Variants in YPEL2 observed in about 807,000 individuals in gnomAD.
YPEL2 encodes protein yippee-like 2.
YPEL2 carries 2 observed loss-of-function variants against 19.1 expected under a neutral mutation model. The observed-to-expected ratio is 0.10, with a 90% confidence interval of 0.04 to 0.33. The LOEUF (loss-of-function observed/expected upper bound fraction) is 0.33. YPEL2 is among the 10% of genes least tolerant of loss of function. YPEL2 has a pLI of 1.00. For missense variants in YPEL2, 66 were observed against 140.7 expected, an observed-to-expected ratio of 0.47 and a Z score of 2.68; for synonymous variants, 52 against 50.0, an observed-to-expected ratio of 1.04 and a Z score of -0.17.
chr17:59,367,109 C>T (rs979763333), intron 2 of YPEL2, among the ~76,000 whole-genome samples: 1 of 152,168 alleles, frequency 6.6e-6, no homozygotes, highest in African/African-American at 2.4e-5. Context: ...GACTTTTGTT[C>T]GAGGCTCAGC....
intron 2 of YPEL2, among the ~76,000 whole-genome samples, chr17:59,360,261 G>T (rs1268262574): frequency 2.0e-5 from 3 of 152,156 alleles, no homozygotes; most frequent in African/African-American, 7.2e-5. Context: ...TACTTTTTTA[G>T]TAGAGACGGG....
intron 2 of YPEL2, 95 bp from the exon 3 acceptor site, chr17:59,388,232 C>T: frequency 8.3e-7 from 1 of 1,210,694 alleles, no homozygotes; most frequent in Non-Finnish European, 1.2e-6. Context: ...CTGTGTCAGT[C>T]CTGGAAGGTC....
chr17:59,348,581 T>C (rs865915200), intron 1 of YPEL2, among the ~76,000 whole-genome samples: 2 of 152,262 alleles, frequency 1.3e-5, no homozygotes, highest in East Asian at 3.8e-4. Context: ...TTAATCATAA[T>C]ATCTCACATA....
intron 4 of YPEL2, among the ~76,000 whole-genome samples, chr17:59,395,654 A>G (rs1237195542): frequency 6.6e-6 from 1 of 152,082 alleles, no homozygotes; most frequent in Non-Finnish European, 1.5e-5. Flanking sequence ...CCTGGAGTTT[A>G]TACAGCTCCT....
intron 2 of YPEL2, among the ~76,000 whole-genome samples, chr17:59,387,489 A>C (rs1273064445): frequency 6.6e-6 from 1 of 151,978 alleles, no homozygotes; most frequent in African/African-American, 2.4e-5. Context: ...GACCACATTA[A>C]AAATGCAGGC....
At chr17:59,337,114 T>C (rs921188828) in intron 1 of YPEL2, among the ~76,000 whole-genome samples, 4 of 152,130 alleles carry the variant, frequency 2.6e-5, no homozygotes, top group East Asian at 1.9e-4. Context: ...GTAATTCTTA[T>C]AAGGGTTTAT....
chr17:59,390,639 G>T (rs923213454), intron 4 of YPEL2, among the ~76,000 whole-genome samples: 2 of 152,186 alleles, frequency 1.3e-5, no homozygotes, highest in African/African-American at 4.8e-5. Context: ...AAATGTTAAG[G>T]TCCCTTTGGG....
chr17:59,341,892 A>G (rs2047733093), intron 1 of YPEL2, among the ~76,000 whole-genome samples: 1 of 152,200 alleles, frequency 6.6e-6, no homozygotes, highest in African/African-American at 2.4e-5. Context: ...CTCCCTCAGT[A>G]AATGGCACCA....
intron 2 of YPEL2, among the ~76,000 whole-genome samples, chr17:59,387,117 G>A (rs915571636): frequency 2.0e-5 from 3 of 151,934 alleles, no homozygotes; most frequent in Admixed American, 1.3e-4. Context: ...AAAATTAGCC[G>A]GGTGTTGTGG....
chr17:59,394,971 C>A (rs536360765), intron 4 of YPEL2, among the ~76,000 whole-genome samples: 1 of 152,186 alleles, frequency 6.6e-6, no homozygotes, highest in Non-Finnish European at 1.5e-5. Context: ...CGCCTGCAAT[C>A]GCAGGCACTC....
At chr17:59,371,436 A>G (rs1471362657) in intron 2 of YPEL2, among the ~76,000 whole-genome samples, 1 of 152,168 alleles carries the variant, frequency 6.6e-6, no homozygotes, top group Non-Finnish European at 1.5e-5. Flanking sequence ...AATCGTACAT[A>G]TGCTCCGGCT....
chr17:59,356,875 A>G (rs1421381323), intron 2 of YPEL2, among the ~76,000 whole-genome samples: 4 of 152,160 alleles, frequency 2.6e-5, no homozygotes. Flanking sequence ...TCCCATTCAC[A>G]AGAGCTTTGC....
chr17:59,346,056 T>G (rs1235977208), intron 1 of YPEL2, among the ~76,000 whole-genome samples: 2 of 152,186 alleles, frequency 1.3e-5, no homozygotes, highest in Non-Finnish European at 2.9e-5. Context: ...TGCTCTAGGC[T>G]CAGGATTCTG....
At chr17:59,372,159 A>G (rs1265704644) in intron 2 of YPEL2, among the ~76,000 whole-genome samples, 1 of 152,234 alleles carries the variant, frequency 6.6e-6, no homozygotes. Context: ...TTGAGTGTCC[A>G]GAGGCTGTTT....
At chr17:59,332,429 G>A (rs1158100451) in intron 1 of YPEL2, among the ~76,000 whole-genome samples, 5 of 152,140 alleles carry the variant, frequency 3.3e-5, no homozygotes, top group Non-Finnish European at 7.4e-5. Context: ...GCGCCTCCCC[G>A]GTGTCCTTGC....
intron 2 of YPEL2, among the ~76,000 whole-genome samples, chr17:59,377,460 T>A (rs1387661772): frequency 6.6e-6 from 1 of 152,196 alleles, no homozygotes; most frequent in Non-Finnish European, 1.5e-5. Flanking sequence ...ACAGACCTGG[T>A]GAGGATGGCA....
At chr17:59,344,540 C>T (rs946923472) in intron 1 of YPEL2, among the ~76,000 whole-genome samples, 10 of 152,144 alleles carry the variant, frequency 6.6e-5, no homozygotes, top group South Asian at 2.1e-4. Context: ...GGTGGACCAC[C>T]TGAGGTCAGG....
intron 2 of YPEL2, chr17:59,356,387 G>A (rs1355177290): frequency 7.8e-6 from 1 of 128,952 alleles, no homozygotes; most frequent in Non-Finnish European, 1.7e-5. Context: ...ACTGGGACTA[G>A]GACTAGAACT....
chr17:59,396,881 A>G lies in YPEL2; in HGVS notation c.271-220A>G, dbSNP rs148153495. Among the ~76,000 whole-genome samples the G allele has an allele frequency of 8.4e-3, 1,272 of 152,154 alleles. 29 individuals carry two copies. Among genetic ancestry groups the G allele is most frequent in the African/African-American group, 0.029 (1,200 of 41,486 alleles). On this transcript the variant is annotated intron_variant, in intron 4 of 4. Transcript: ENST00000312655. ...CCCCATCTTTACTAAAAATACAAAA[A>G]TTAGCCAGGTGTGGTGGTGGGTGCC...
Sources: allele counts gnomAD v4.1 joint callset (sites outside exome capture counted in the v4.1 genomes callset), GRCh38; gene constraint gnomAD v4.1.1; transcripts MANE v1.5; gene names NCBI Gene and HGNC (gene_info 2026-07-23, HGNC 2026-07-21).